Variants in GALNT14 observed in about 807,000 individuals in gnomAD.
GALNT14 encodes UDP-GalNAc:polypeptide N-acetylgalactosaminyltransferase 14.
GALNT14 carries 60 observed loss-of-function variants against 77.5 expected under a neutral mutation model. The observed-to-expected ratio is 0.77, with a 90% confidence interval of 0.63 to 0.96. The LOEUF is 0.96. Ranked by LOEUF, GALNT14 falls within the 40% of genes least tolerant of loss-of-function variation. GALNT14 has a pLI of 0.00. For synonymous variants in GALNT14, 280 were observed against 281.7 expected (o/e 0.99, Z 0.06); for missense variants, 710 against 731.0 (o/e 0.97, Z 0.33).
chr2:30,972,572 A>G (rs1054349623), intron 2 of GALNT14, among the ~76,000 whole-genome samples: 12 of 152,234 alleles, frequency 7.9e-5, no homozygotes, highest in Non-Finnish European at 1.8e-4. Context: ...AGGCACAGAA[A>G]GGCTGAGGAA....
chr2:30,961,954 A>G (rs1175350235), intron 3 of GALNT14, among the ~76,000 whole-genome samples: 1 of 151,934 alleles, frequency 6.6e-6, no homozygotes, highest in Non-Finnish European at 1.5e-5. Flanking sequence ...TGGCCTCCCA[A>G]AATGTTGGGA....
At chr2:31,120,457 C>T (rs1298490643) in intron 1 of GALNT14, among the ~76,000 whole-genome samples, 2 of 152,204 alleles carry the variant, frequency 1.3e-5, no homozygotes, top group Non-Finnish European at 2.9e-5. Flanking sequence ...AGAAATATCA[C>T]ACAGACAATA....
intron 1 of GALNT14, among the ~76,000 whole-genome samples, chr2:31,125,803 A>C (rs1678674825): frequency 6.6e-6 from 1 of 152,200 alleles, no homozygotes. Context: ...CTCAGCACAA[A>C]CAACCAAATA....
chr2:30,909,399 G>A (rs1664242907), downstream of GALNT14, among the ~76,000 whole-genome samples: 1 of 152,076 alleles, frequency 6.6e-6, no homozygotes. Context: ...AGTGGGCGAA[G>A]GACATGAACA....
intron 2 of GALNT14, among the ~76,000 whole-genome samples, chr2:30,973,648 T>C (rs965348741): frequency 6.6e-6 from 1 of 152,238 alleles, no homozygotes; most frequent in African/African-American, 2.4e-5. Context: ...GTATGACAAC[T>C]ATAAAATCAA....
At chr2:30,964,223 C>T (rs1248906790) in intron 3 of GALNT14, among the ~76,000 whole-genome samples, 2 of 152,196 alleles carry the variant, frequency 1.3e-5, no homozygotes, top group Admixed American at 1.3e-4. Flanking sequence ...CCAGTCATGA[C>T]CGGTGGAGCA....
chr2:30,917,461 A>G (rs1382965595), intron 13 of GALNT14, among the ~76,000 whole-genome samples: 1 of 152,126 alleles, frequency 6.6e-6, no homozygotes, highest in Non-Finnish European at 1.5e-5. Context: ...TATCTGAACC[A>G]TGCCCTGGCA....
At chr2:31,060,306 G>A (rs1674510177) in intron 1 of GALNT14, among the ~76,000 whole-genome samples, 1 of 152,142 alleles carries the variant, frequency 6.6e-6, no homozygotes, top group Non-Finnish European at 1.5e-5. Context: ...TCTCCACTTT[G>A]CCAAAAATCC....
At chr2:31,016,209 G>A (rs997127973) in intron 1 of GALNT14, among the ~76,000 whole-genome samples, 1 of 152,170 alleles carries the variant, frequency 6.6e-6, no homozygotes, top group Non-Finnish European at 1.5e-5. Context: ...CCCGCAGATG[G>A]CCGTCTTCTG....
chr2:31,109,354 A>T (rs921455786), intron 1 of GALNT14, among the ~76,000 whole-genome samples: 1 of 152,208 alleles, frequency 6.6e-6, no homozygotes, highest in Non-Finnish European at 1.5e-5. Flanking sequence ...AGAAACAGAT[A>T]ACAGAAGGAA....
chr2:31,084,062 C>T (rs187057736), intron 1 of GALNT14, among the ~76,000 whole-genome samples: 1 of 152,270 alleles, frequency 6.6e-6, no homozygotes, highest in East Asian at 1.9e-4. Context: ...AAAGTCAGAA[C>T]CTGGATGTTT....
At chr2:30,988,262 G>C (rs1039683075) in intron 2 of GALNT14, among the ~76,000 whole-genome samples, 5 of 152,254 alleles carry the variant, frequency 3.3e-5, no homozygotes, top group Non-Finnish European at 7.3e-5. Context: ...GATATCAGTA[G>C]GACCTTAGCT....
intron 1 of GALNT14, among the ~76,000 whole-genome samples, chr2:31,052,045 C>T (rs570518875): frequency 1.3e-5 from 2 of 152,150 alleles, no homozygotes; most frequent in South Asian, 4.1e-4. Flanking sequence ...CAAGGAGATA[C>T]CCCACTGAGT....
intron 10 of GALNT14, among the ~76,000 whole-genome samples, chr2:30,931,716 G>C (rs1665740483): frequency 6.6e-6 from 1 of 152,072 alleles, no homozygotes; most frequent in Admixed American, 6.5e-5. Flanking sequence ...GGCTCTTCTA[G>C]AACTCCAAAG....
intron 6 of GALNT14, among the ~76,000 whole-genome samples, chr2:30,947,090 CT>C (rs1411516677): frequency 6.6e-6 from 1 of 152,212 alleles, no homozygotes; most frequent in Non-Finnish European, 1.5e-5. Flanking sequence ...AACTCCAAAA[CT>C]GCTCTTTGAG....
rs1451975470 is a variant in GALNT14 at position 30,929,634 on chromosome 2, C to G, written c.1059-147G>C. The G allele has an allele frequency of 4.8e-5, 30 of 629,822 alleles. No individual in the cohort carries two copies. In the Admixed American group the frequency reaches 7.7e-4, roughly 16 times the overall value. 39.0% of individuals were successfully genotyped at this position (629,822 alleles called of 1,614,324 possible). The stretch of plus-strand genomic sequence containing the variant: ...TGGTCAACCGACTATCATTCCTGTT[C>G]CCAGGGCACTGAGCCCAGCCAAGCC... On this transcript the variant is annotated intron_variant, in intron 10 of 14. Coordinates refer to ENST00000349752, the MANE Select transcript of GALNT14 (RefSeq NM_024572.4).
intron 1 of GALNT14, among the ~76,000 whole-genome samples, chr2:31,101,788 A>C (rs980619573): frequency 1.4e-4 from 21 of 152,190 alleles, no homozygotes; most frequent in African/African-American, 5.1e-4. Flanking sequence ...CTTGAATTTT[A>C]GTTCCCATAA....
At chr2:31,125,440 C>T (rs945862618) in intron 1 of GALNT14, among the ~76,000 whole-genome samples, 1 of 143,572 alleles carries the variant, frequency 7.0e-6, no homozygotes, top group Non-Finnish European at 1.5e-5. Flanking sequence ...GGACCTTACA[C>T]GTGGCGCTCA....
chr2:30,918,355 C>T (rs1664813446), intron 13 of GALNT14, among the ~76,000 whole-genome samples: 1 of 152,190 alleles, frequency 6.6e-6, no homozygotes, highest in Admixed American at 6.5e-5. Context: ...ACCACAGTTC[C>T]CTTGCATGTA....
Sources: allele counts gnomAD v4.1 joint callset (sites outside exome capture counted in the v4.1 genomes callset), GRCh38; gene constraint gnomAD v4.1.1; transcripts MANE v1.5; gene names NCBI Gene and HGNC (gene_info 2026-07-23, HGNC 2026-07-21).